Variants in CSMD1 observed in about 807,000 individuals in gnomAD.
The protein encoded by CSMD1 is CUB and Sushi multiple domains 1, also known as CUB and sushi domain-containing protein 1.
A neutral mutation model predicts 417.5 loss-of-function variants in CSMD1; 213 were observed. The ratio of observed to expected loss-of-function variants is 0.51; its 90% confidence interval spans 0.46 to 0.57. The LOEUF is 0.57. CSMD1 is among the 20% of genes least tolerant of loss of function. The pLI, the probability that CSMD1 is intolerant of heterozygous loss-of-function variation, is 0.00. For synonymous variants in CSMD1, 2,862 were observed against 1,736.8 expected, an observed-to-expected ratio of 1.65 and a Z score of -16.11; for missense variants, 6,923 against 4,529.7, an observed-to-expected ratio of 1.53 and a Z score of -15.17.
chr8:3,177,940 G>C (rs747633815), intron 37 of CSMD1, among the ~76,000 whole-genome samples: 1 of 152,210 alleles, frequency 6.6e-6, no homozygotes, highest in African/African-American at 2.4e-5. Flanking sequence ...CAGAACAAGA[G>C]TGACACTTGT....
At chr8:4,065,230 A>T (rs895896333) in intron 3 of CSMD1, among the ~76,000 whole-genome samples, 6 of 152,200 alleles carry the variant, frequency 3.9e-5, no homozygotes, top group African/African-American at 1.4e-4. Flanking sequence ...CTAAACACAT[A>T]AACAATTACA....
chr8:3,303,276 C>A lies in CSMD1; in HGVS notation c.3950+4419G>T, dbSNP rs549358011. ...GTATAGTTTTCTCTTAAGTGTATTTCCTACTGGGATCTGGAAGGTTGATCA... is the reference window on the plus strand; with the variant it reads ...GTATAGTTTTCTCTTAAGTGTATTTACTACTGGGATCTGGAAGGTTGATCA... On this transcript the variant is annotated intron_variant, in intron 25 of 69. Transcript: ENST00000635120. 2.0e-5 allele frequency among the ~76,000 whole-genome samples: 3 copies of A among 152,220 alleles called. No homozygotes were observed. The East Asian group carries it at 5.8e-4, about 29-fold the overall frequency.
intron 2 of CSMD1, among the ~76,000 whole-genome samples, chr8:4,494,713 T>G (rs117622713): frequency 1.3e-5 from 2 of 152,046 alleles, no homozygotes; most frequent in African/African-American, 4.8e-5. Flanking sequence ...TTCCAGTCAG[T>G]TGGGTTAAGT....
At chr8:4,351,321 G>A (rs750600475) in intron 3 of CSMD1, among the ~76,000 whole-genome samples, 1 of 152,160 alleles carries the variant, frequency 6.6e-6, no homozygotes, top group Non-Finnish European at 1.5e-5. Flanking sequence ...TGTTTCTCCA[G>A]CTATATAAAA....
chr8:3,068,072 G>A (rs1360720503), intron 49 of CSMD1, among the ~76,000 whole-genome samples: 5 of 151,958 alleles, frequency 3.3e-5, no homozygotes, highest in African/African-American at 1.2e-4. Context: ...CTATCCAAAA[G>A]GGAAATCTCA....
intron 5 of CSMD1, among the ~76,000 whole-genome samples, chr8:3,991,571 C>T (rs576476732): frequency 8.5e-5 from 13 of 152,204 alleles, no homozygotes; most frequent in East Asian, 1.9e-4. Flanking sequence ...GAAAGAAACA[C>T]GTAAGAGTAG....
At chr8:4,528,774 G>T (rs982021660) in intron 2 of CSMD1, among the ~76,000 whole-genome samples, 4 of 106,628 alleles carry the variant, frequency 3.8e-5, no homozygotes, top group African/African-American at 1.6e-4. Context: ...TCACATAAGA[G>T]CTCACTTTCT....
chr8:3,254,099 G>C (rs1456187312), intron 26 of CSMD1, among the ~76,000 whole-genome samples: 1 of 152,280 alleles, frequency 6.6e-6, no homozygotes, highest in Admixed American at 6.5e-5. Context: ...GCATTTGCTT[G>C]TCTGTAAAGG....
intron 3 of CSMD1, among the ~76,000 whole-genome samples, chr8:4,252,579 C>A (rs1195003312): frequency 6.6e-6 from 1 of 152,204 alleles, no homozygotes; most frequent in Non-Finnish European, 1.5e-5. Context: ...CTTACCTACA[C>A]AATGTCTACT....
chr8:4,276,020 G>C (rs1286406519), intron 3 of CSMD1, among the ~76,000 whole-genome samples: 1 of 152,198 alleles, frequency 6.6e-6, no homozygotes, highest in Non-Finnish European at 1.5e-5. Flanking sequence ...TACAATGTTG[G>C]TGGGAGTGTA....
intron 29 of CSMD1, among the ~76,000 whole-genome samples, chr8:3,216,889 C>G (rs1329859729): frequency 6.6e-6 from 1 of 152,244 alleles, no homozygotes; most frequent in Admixed American, 6.5e-5. Context: ...GCTTTGCTAT[C>G]CACACCAGCA....
At chr8:4,040,056 A>G (rs1050575289) in intron 3 of CSMD1, among the ~76,000 whole-genome samples, 2 of 152,202 alleles carry the variant, frequency 1.3e-5, no homozygotes, top group African/African-American at 4.8e-5. Flanking sequence ...CACCATGCAA[A>G]TGTTAGGGAA....
In CSMD1 at chr8:4,284,530, G is replaced by A. The variant is rs542652569; in HGVS notation, c.415+135423C>T. 5.9e-5 allele frequency among the ~76,000 whole-genome samples: 9 copies of A among 152,198 alleles called. No homozygotes were observed. The East Asian group carries it at 1.7e-3, about 30-fold the overall frequency. ...GCCTTCCCATATGGTATAGGTTCTT[G>A]CGCGACACACTTGCATATGCCAGCC... On this transcript the variant is annotated intron_variant, in intron 3 of 69. Transcript: ENST00000635120.
chr8:4,088,814 G>C (rs1414044225), intron 3 of CSMD1, among the ~76,000 whole-genome samples: 1 of 152,036 alleles, frequency 6.6e-6, no homozygotes, highest in Non-Finnish European at 1.5e-5. Context: ...CCCTCAGCAT[G>C]TGGACTCATC....
At chr8:3,411,901 TATATAC>T (rs1812770345) in intron 12 of CSMD1, among the ~76,000 whole-genome samples, 1 of 137,234 alleles carries the variant, frequency 7.3e-6, no homozygotes, top group Non-Finnish European at 1.6e-5. Context: ...TATGCACGTA[TATATAC>T]ACGTATATAT....
intron 3 of CSMD1, among the ~76,000 whole-genome samples, chr8:4,290,944 C>A (rs151116458): frequency 5.3e-5 from 8 of 152,240 alleles, no homozygotes; most frequent in Admixed American, 5.2e-4. Flanking sequence ...TAATTCATTT[C>A]TTTCTAAAAT....
chr8:3,683,819 T>C (rs1480021565), intron 7 of CSMD1, among the ~76,000 whole-genome samples: 1 of 152,126 alleles, frequency 6.6e-6, no homozygotes, highest in African/African-American at 2.4e-5. Flanking sequence ...AAACCAATGT[T>C]TGCGTAATCA....
chr8:3,775,527 T>C (rs907628732), intron 5 of CSMD1, among the ~76,000 whole-genome samples: 1 of 152,126 alleles, frequency 6.6e-6, no homozygotes, highest in Non-Finnish European at 1.5e-5. Flanking sequence ...ATCCTAATAT[T>C]AAAAGCAGGG....
intron 11 of CSMD1, chr8:3,469,297 G>A (rs191312041): frequency 6.6e-6 from 1 of 152,606 alleles, no homozygotes; most frequent in African/African-American, 2.4e-5. Flanking sequence ...GGTTTTCATT[G>A]TCTAGAACTA....
Sources: allele counts gnomAD v4.1 joint callset (sites outside exome capture counted in the v4.1 genomes callset), GRCh38; gene constraint gnomAD v4.1.1; transcripts MANE v1.5; gene names NCBI Gene and HGNC (gene_info 2026-07-23, HGNC 2026-07-21).